ATF7: variants seen among roughly 807,000 people sequenced by gnomAD.
The protein encoded by ATF7 is activating transcription factor 7.
ATF7 carries 10 observed loss-of-function variants against 50.4 expected under a neutral mutation model. The ratio of observed to expected loss-of-function variants is 0.20; its 90% CI spans 0.12 to 0.34. ATF7 has a LOEUF of 0.34. ATF7 is among the 10% of genes least tolerant of loss of function. ATF7 has a pLI of 1.00. For missense variants in ATF7, 465 were observed against 613.9 expected, an observed-to-expected ratio of 0.76 and a Z score of 2.56; for synonymous variants, 201 against 226.4, an observed-to-expected ratio of 0.89 and a Z score of 1.01.
chr12:53,525,774 C>G (rs1394305070), intron 9 of ATF7, among the ~76,000 whole-genome samples: 2 of 152,172 alleles, frequency 1.3e-5, no homozygotes, highest in East Asian at 1.9e-4. Context: ...TTGGGATGCA[C>G]TTGGAGAAGA....
At chr12:53,567,541 T>G (rs777011417) in intron 2 of ATF7, among the ~76,000 whole-genome samples, 1 of 152,216 alleles carries the variant, frequency 6.6e-6, no homozygotes, top group Non-Finnish European at 1.5e-5. Flanking sequence ...GCTTAAGAAT[T>G]AACAAGGATA....
At chr12:53,595,000 T>C (rs140614769) in intron 2 of ATF7, among the ~76,000 whole-genome samples, 1,612 of 152,208 alleles carry the variant, frequency 0.011, 32 homozygotes, top group African/African-American at 0.036. Flanking sequence ...GAACTGAAAG[T>C]TACTGCAAAG....
At chr12:53,585,886 T>C (rs1045203238) in intron 2 of ATF7, among the ~76,000 whole-genome samples, 2 of 152,218 alleles carry the variant, frequency 1.3e-5, no homozygotes, top group East Asian at 3.8e-4. Flanking sequence ...AGCCGATTAC[T>C]GTCTATGGAG....
intron 2 of ATF7, among the ~76,000 whole-genome samples, chr12:53,566,184 G>A (rs537922831): frequency 6.6e-6 from 1 of 152,250 alleles, no homozygotes; most frequent in South Asian, 2.1e-4. Context: ...TTTAGGAGAG[G>A]ATACAGCCAA....
chr12:53,565,937 G>T lies in ATF7; in HGVS notation c.49-13300C>A, dbSNP rs548037682. ...TTTTATGGACTCACAGTTCCACATG[G>T]CTGGGGAGGTCTCACAATCATGGCG... is the stretch of plus-strand genomic sequence containing the variant. On this transcript the variant is annotated intron_variant, in intron 2 of 11. Coordinates refer to ENST00000420353, the MANE Select transcript of ATF7 (RefSeq NM_006856.3). Among the ~76,000 whole-genome samples, 10 of 152,290 alleles carry T rather than the reference G, an allele frequency of 6.6e-5. No homozygotes were observed. The East Asian group carries it at 1.5e-3, about 24-fold the overall frequency.
Position 53,597,186 on chromosome 12 carries a change from G to GT in ATF7, c.48+3766dup, listed in dbSNP as rs530064294. 3.8e-3 allele frequency among the ~76,000 whole-genome samples: 566 copies of GT among 148,552 alleles called. 4 individuals carry two copies. The highest frequency in any genetic ancestry group is 0.028 in the East Asian group (140 of 5,082). On this transcript the variant is annotated intron_variant, in intron 2 of 11. Coordinates refer to ENST00000420353, the MANE Select transcript of ATF7 (RefSeq NM_006856.3). ...TGCAGACAGCACAACCTTCAGCAGCGTTTTTTTTTTAAGCACATGCAGCAT... is the reference window on the plus strand; with the variant it reads ...TGCAGACAGCACAACCTTCAGCAGCGTTTTTTTTTTTAAGCACATGCAGCAT...
chr12:53,587,841 A>ATTTTTT (rs1455265890), intron 2 of ATF7, among the ~76,000 whole-genome samples: 2 of 46,404 alleles, frequency 4.3e-5, no homozygotes, highest in African/African-American at 1.2e-4. Flanking sequence ...ATATATATAT[A>ATTTTTT]TATTTTTTTT....
chr12:53,582,388 C>A (rs966338384), intron 2 of ATF7, among the ~76,000 whole-genome samples: 1 of 150,146 alleles, frequency 6.7e-6, no homozygotes, highest in African/African-American at 2.5e-5. Context: ...GTAATCCCAG[C>A]ACTATGGGAG....
intron 2 of ATF7, chr12:53,574,944 A>G: frequency 4.2e-6 from 1 of 239,904 alleles, no homozygotes; most frequent in Non-Finnish European, 8.1e-6. Flanking sequence ...CTTGCCATTG[A>G]GCTTAAGCCA....
Position 53,524,641 on chromosome 12 carries a change from G to T in ATF7, c.1048C>A (p.Arg350Ser). Residue 350 changes from arginine to serine, a missense_variant, in exon 10 of 12, where the codon CGC (arginine) becomes AGC (serine). Arg to Ser is a moderately radical substitution (Grantham distance 110). Coordinates refer to ENST00000420353, the MANE Select transcript of ATF7 (RefSeq NM_006856.3). The surrounding 1 kb of genome is among the most constrained non-coding windows in gnomAD (Gnocchi z 4.6). ...ERNRAAASRCRQKRKLWVSSL... is the reference protein window; with the variant it reads ...ERNRAAASRCSQKRKLWVSSL... ...GACACCCACAGCTTTCGCTTTTGGCGGCAGCGGGAGGCTGCAGCCCGGTTG... is the reference window on the plus strand; with the variant it reads ...GACACCCACAGCTTTCGCTTTTGGCTGCAGCGGGAGGCTGCAGCCCGGTTG... 1 of 1,613,842 alleles carries T rather than the reference G, an allele frequency of 6.2e-7. No individual in the cohort carries two copies. The highest frequency in any genetic ancestry group is 8.5e-7 in the Non-Finnish European group (1 of 1,179,892).
chr12:53,590,777 C>G (rs947588799), intron 2 of ATF7, among the ~76,000 whole-genome samples: 1 of 152,126 alleles, frequency 6.6e-6, no homozygotes, highest in African/African-American at 2.4e-5. Flanking sequence ...TATCTACTCA[C>G]AACTTTAAAA....
At chr12:53,623,041 C>T (rs1377626764) in intron 1 of ATF7, among the ~76,000 whole-genome samples, 1 of 152,180 alleles carries the variant, frequency 6.6e-6, no homozygotes, top group East Asian at 1.9e-4. Context: ...CGATAAGTGT[C>T]ATGAAATACT....
chr12:53,592,826 ACATTTTCCC>A (rs1943002118), intron 2 of ATF7, among the ~76,000 whole-genome samples: 2 of 152,246 alleles, frequency 1.3e-5, no homozygotes, highest in Non-Finnish European at 2.9e-5. Flanking sequence ...AATCAGAATA[ACATTTTCCC>A]CCAAACTAAA....
At chr12:53,518,654 C>T (rs1266196044) in intron 11 of ATF7, among the ~76,000 whole-genome samples, 1 of 152,190 alleles carries the variant, frequency 6.6e-6, no homozygotes, top group Non-Finnish European at 1.5e-5. Context: ...ATCGGATAGC[C>T]TCTATGGCTG....
chr12:53,591,739 G>A (rs1241553268), intron 2 of ATF7, among the ~76,000 whole-genome samples: 1 of 152,198 alleles, frequency 6.6e-6, no homozygotes, highest in Non-Finnish European at 1.5e-5. Context: ...GCCACAGGAT[G>A]ATTCTCTCTG....
intron 2 of ATF7, among the ~76,000 whole-genome samples, chr12:53,598,436 G>A (rs1943253506): frequency 6.6e-6 from 1 of 152,098 alleles, no homozygotes; most frequent in East Asian, 1.9e-4. Flanking sequence ...TTCCTACTGA[G>A]GGGAAAAAAG....
At chr12:53,578,625 TA>T (rs1298802601) in intron 2 of ATF7, among the ~76,000 whole-genome samples, 1 of 151,256 alleles carries the variant, frequency 6.6e-6, no homozygotes, top group Non-Finnish European at 1.5e-5. Context: ...CTAACAAAAA[TA>T]AAAATAAATT....
chr12:53,590,690 T>C (rs1462639405), intron 2 of ATF7, among the ~76,000 whole-genome samples: 1 of 152,238 alleles, frequency 6.6e-6, no homozygotes, highest in African/African-American at 2.4e-5. Flanking sequence ...GAGTTTTAGA[T>C]AGAACTTGGA....
chr12:53,589,838 A>G (rs916705057), intron 2 of ATF7, among the ~76,000 whole-genome samples: 1 of 152,166 alleles, frequency 6.6e-6, no homozygotes, highest in African/African-American at 2.4e-5. Flanking sequence ...TAGGGAAAGG[A>G]AGAAATGGTT....
Sources: allele counts gnomAD v4.1 joint callset (sites outside exome capture counted in the v4.1 genomes callset), GRCh38; gene constraint gnomAD v4.1.1; non-coding constraint Gnocchi (gnomAD v3.1); transcripts MANE v1.5; gene names NCBI Gene and HGNC (gene_info 2026-07-23, HGNC 2026-07-21).